The following AP1B1 variants were observed in gnomAD, a reference collection of about 807,000 sequenced individuals.
The protein encoded by AP1B1 is adaptor related protein complex 1 subunit beta 1, also known as AP-1 complex subunit beta-1.
AP1B1 carries 36 observed loss-of-function variants against 104.3 expected under a neutral mutation model. That is an observed-to-expected ratio of 0.35 (90% CI 0.26 to 0.46). The LOEUF is 0.46. Ranked by LOEUF, AP1B1 falls within the 20% of genes least tolerant of loss-of-function variation. The pLI is 1.00. For synonymous variants in AP1B1, 504 were observed against 517.5 expected (o/e 0.97, Z 0.35); for missense variants, 901 against 1,247.9 (o/e 0.72, Z 4.19).
intron 1 of AP1B1, among the ~76,000 whole-genome samples, chr22:29,375,072 C>G (rs972351583): frequency 6.6e-6 from 1 of 152,162 alleles, no homozygotes; most frequent in Non-Finnish European, 1.5e-5. Context: ...CAGTTCTGGC[C>G]GGGCGCGGTG....
At chr22:29,335,657 ACTC>A (rs2061627568) in intron 16 of AP1B1, among the ~76,000 whole-genome samples, 1 of 151,356 alleles carries the variant, frequency 6.6e-6, no homozygotes, top group Admixed American at 6.6e-5. Flanking sequence ...ACCCTGAGAA[ACTC>A]CTTCCAATCC....
intron 1 of AP1B1, among the ~76,000 whole-genome samples, chr22:29,380,613 T>G (rs562831167): frequency 1.3e-5 from 2 of 152,266 alleles, no homozygotes; most frequent in African/African-American, 4.8e-5. Context: ...GAGTCACTCT[T>G]AACAACATAC....
intron 7 of AP1B1, among the ~76,000 whole-genome samples, chr22:29,353,241 G>A (rs2061904694): frequency 6.6e-6 from 1 of 152,144 alleles, no homozygotes. Context: ...GGAGAAAACT[G>A]GGTACTCTGT....
Position 29,334,294 on chromosome 22 carries a change from G to C in AP1B1, c.2280C>G (p.Thr760=), listed in dbSNP as rs776163873. The C allele has an allele frequency of 6.2e-7, 1 of 1,605,434 alleles. No homozygotes were observed. Among genetic ancestry groups the C allele is most frequent in the East Asian group, 2.2e-5 (1 of 44,630 alleles). ...TGCGGTTGAACTGGATGGCAAAGTC[G>C]GTCATGACCTGCAAGGCCTTGTTGG... ...QLTNKALQVM[T]DFAIQFNRNS... Residue 760 remains threonine, a synonymous_variant, in exon 17 of 23, where the codon ACC becomes ACG. Coordinates refer to ENST00000357586, the MANE Select transcript of AP1B1 (RefSeq NM_001127.4).
At chr22:29,388,160 G>T (rs529275946) in intron 1 of AP1B1, among the ~76,000 whole-genome samples, 1 of 152,362 alleles carries the variant, frequency 6.6e-6, no homozygotes, top group African/African-American at 2.4e-5. Context: ...GGAATTCCTC[G>T]GGGCCTAAGT....
intron 9 of AP1B1, 73 bp downstream of exon 9, chr22:29,351,098 T>C (rs1360131874): frequency 3.5e-6 from 5 of 1,438,544 alleles, no homozygotes; most frequent in Non-Finnish European, 3.8e-6. Flanking sequence ...CAGATTCTGC[T>C]TGAATCAGAC....
intron 2 of AP1B1, among the ~76,000 whole-genome samples, chr22:29,364,141 T>C (rs1340888504): frequency 6.6e-6 from 1 of 152,180 alleles, no homozygotes; most frequent in Non-Finnish European, 1.5e-5. Flanking sequence ...ATTTGTGGAT[T>C]CCCACATGAA....
chr22:29,362,637 G>A (rs1013265568), intron 3 of AP1B1, among the ~76,000 whole-genome samples: 3 of 152,158 alleles, frequency 2.0e-5, no homozygotes, highest in African/African-American at 7.2e-5. Context: ...GAGCCACCGC[G>A]CCTGGCCCAG....
Position 29,354,793 on chromosome 22 carries a change from C to T in AP1B1, c.795G>A (p.Lys265=), listed in dbSNP as rs147311521. Residue 265 remains lysine, a synonymous_variant, in exon 7 of 23, where the codon AAG becomes AAA. Transcript: ENST00000357586. ...AGTCCTTAGACAACATCTCCATGAA[C>T]TTCATCAGCACCTTCACAGCAGAGA... ...VVLSAVKVLM[K]FMEMLSKDLD... 5 of 1,614,130 alleles carry T rather than the reference C, an allele frequency of 3.1e-6. No individual in the cohort carries two copies. In the African/African-American group the frequency reaches 5.3e-5, roughly 17 times the overall value.
At chr22:29,375,991 C>A (rs2062334712) in intron 1 of AP1B1, among the ~76,000 whole-genome samples, 1 of 152,160 alleles carries the variant, frequency 6.6e-6, no homozygotes, top group African/African-American at 2.4e-5. Flanking sequence ...ATCTCACATT[C>A]TATGATTCTC....
At chr22:29,362,377 C>T (rs2062063575) in intron 3 of AP1B1, among the ~76,000 whole-genome samples, 1 of 151,068 alleles carries the variant, frequency 6.6e-6, no homozygotes, top group Admixed American at 6.6e-5. Flanking sequence ...GACTGAGTCT[C>T]GCTCTGTCAC....
chr22:29,331,430 G>C lies in AP1B1; in HGVS notation c.2524+19C>G, dbSNP rs372672584. 17 of 1,613,310 alleles carry C rather than the reference G, an allele frequency of 1.1e-5. No individual in the cohort carries two copies. The African/African-American group carries it at 1.9e-4, about 18-fold the overall frequency. ...ACAGCCCCATTTCAGGCACCCCAGC[G>C]GGCTCCCTCATGACTCACCCATCTT... On this transcript the variant is annotated intron_variant, in intron 19 of 22. Transcript: ENST00000357586.
rs778704009 is a variant in AP1B1 at position 29,342,247 on chromosome 22, G to C, written c.1536+38C>G. On this transcript the variant is annotated intron_variant, in intron 12 of 22. Coordinates refer to ENST00000357586, the MANE Select transcript of AP1B1 (RefSeq NM_001127.4). ...ACAAAAGTTCCCCTGCTTGAGTGAG[G>C]GCTATGCTGGGCACAGCGGGGAGGT... 128 of 1,528,562 alleles carry C rather than the reference G, an allele frequency of 8.4e-5. 1 individual carries two copies. In the South Asian group the frequency reaches 1.2e-3, roughly 14 times the overall value. The allele number at this position is 1,528,562 out of a possible 1,614,324, so 94.7% of individuals were successfully genotyped here.
intron 14 of AP1B1, 148 bp from the exon 15 acceptor site, chr22:29,339,922 C>G: frequency 3.4e-6 from 3 of 877,962 alleles, no homozygotes; most frequent in Non-Finnish European, 5.4e-6. Context: ...GGTGTGAGGT[C>G]TGGCGAGAGG....
At chr22:29,354,239 C>T (rs367616301) in intron 7 of AP1B1, among the ~76,000 whole-genome samples, 1 of 152,194 alleles carries the variant, frequency 6.6e-6, no homozygotes, top group Non-Finnish European at 1.5e-5. Context: ...CAGGACAGCT[C>T]GTGGACTATG....
At position 29,328,798 on chromosome 22, in the gene AP1B1, T is replaced by TGGGGTGG. The variant is rs1328411711; in HGVS notation, c.*16_*22dup. 6.3e-7 allele frequency: 1 copy of TGGGGTGG among 1,596,082 alleles called. No individual in the cohort carries two copies. Among genetic ancestry groups the TGGGGTGG allele is most frequent in the Admixed American group, 1.8e-5 (1 of 56,578 alleles). On this transcript the variant is annotated 3_prime_UTR_variant, in exon 23 of 23. Coordinates refer to ENST00000357586, the MANE Select transcript of AP1B1 (RefSeq NM_001127.4). This position sits in a 1 kb window ranked among gnomAD's most constrained non-coding sequence, Gnocchi z 4.1. ...CTCCTCGATGGGGCGGGCAGAAGGC[T>TGGGGTGG]GGGGTGGGCGCTGGCCGGGGTCTCA...
chr22:29,349,950 G>C (rs558752790), intron 10 of AP1B1, 85 bp downstream of exon 10: 7 of 1,045,236 alleles, frequency 6.7e-6, no homozygotes, highest in Non-Finnish European at 1.0e-5. Context: ...GTAAGGAAGA[G>C]GAGATTCCTC....
intron 6 of AP1B1, among the ~76,000 whole-genome samples, chr22:29,356,142 C>G (rs2061953976): frequency 6.6e-6 from 1 of 152,262 alleles, no homozygotes; most frequent in Non-Finnish European, 1.5e-5. Flanking sequence ...AGCAGTGGCT[C>G]TGGCGCTACC....
intron 11 of AP1B1, among the ~76,000 whole-genome samples, chr22:29,342,743 T>C (rs1347739681): frequency 6.6e-6 from 1 of 152,198 alleles, no homozygotes; most frequent in East Asian, 1.9e-4. Flanking sequence ...ATCAGGACCA[T>C]CTGTCAACAA....
Sources: allele counts gnomAD v4.1 joint callset (sites outside exome capture counted in the v4.1 genomes callset), GRCh38; gene constraint gnomAD v4.1.1; non-coding constraint Gnocchi (gnomAD v3.1); transcripts MANE v1.5; gene names NCBI Gene and HGNC (gene_info 2026-07-23, HGNC 2026-07-21).